STRBP: variants seen among roughly 807,000 people sequenced by gnomAD.
STRBP encodes the protein spermatid perinuclear RNA-binding protein.
STRBP carries 13 observed loss-of-function variants against 80.1 expected under a neutral mutation model. The observed-to-expected ratio is 0.16, with a 90% CI of 0.11 to 0.26. The LOEUF (loss-of-function observed/expected upper bound fraction) is 0.26. STRBP is among the 10% of genes least tolerant of loss of function. STRBP has a pLI of 1.00. For synonymous variants in STRBP, 284 were observed against 291.2 expected, an observed-to-expected ratio of 0.98 and a Z score of 0.25; for missense variants, 485 against 815.2, an observed-to-expected ratio of 0.59 and a Z score of 4.93.
intron 5 of STRBP, 123 bp downstream of exon 5, chr9:123,173,554 T>G: frequency 1.0e-6 from 1 of 964,536 alleles, no homozygotes; most frequent in Non-Finnish European, 1.5e-6. Context: ...AGAGTAGCAG[T>G]ACTCATTTTG....
intron 12 of STRBP, 25 bp from the exon 13 acceptor site, chr9:123,147,079 C>A (rs747387164): frequency 6.3e-7 from 1 of 1,582,304 alleles, no homozygotes; most frequent in South Asian, 1.1e-5. Context: ...GGAATGAGGT[C>A]AGAAATTAAC....
chr9:123,134,600 T>A (rs1162895690), intron 16 of STRBP, among the ~76,000 whole-genome samples: 1 of 152,214 alleles, frequency 6.6e-6, no homozygotes. Flanking sequence ...ATGAGTGAAC[T>A]TCATGTAGAC....
chr9:123,115,385 G>C lies in STRBP; in HGVS notation c.*84+544C>G. On this transcript the variant is annotated intron_variant and NMD_transcript_variant, in intron 3 of 3. Coordinates refer to the STRBP transcript ENST00000471564. The surrounding 1 kb of genome is among the most constrained non-coding windows in gnomAD (Gnocchi z 5.0). Reference sequence around the variant, plus strand: ...CCTGCCAGCGCCCAGCCCAGGGCTGGCAAGGAGGATCCCTAGCAGGGAGGG... The same window carrying C: ...CCTGCCAGCGCCCAGCCCAGGGCTGCCAAGGAGGATCCCTAGCAGGGAGGG... 2.1e-6 allele frequency: 1 copy of C among 471,120 alleles called. No homozygotes were observed. The highest frequency in any genetic ancestry group is 1.5e-5 in the South Asian group (1 of 64,570). The allele number at this position is 471,120 out of a possible 1,614,324, so 29.2% of individuals were successfully genotyped here. A position where few individuals can be genotyped will look rare whatever the true frequency, so the allele number is the denominator to read the frequency against.
chr9:123,237,771 T>C (rs2040600346), intron 1 of STRBP, among the ~76,000 whole-genome samples: 1 of 152,184 alleles, frequency 6.6e-6, no homozygotes, highest in Admixed American at 6.5e-5. Flanking sequence ...GCAAACCCCT[T>C]ACAGCGGGAG....
rs979501400 is a variant in STRBP, at chr9:123,170,023, T to C, written c.414A>G (p.Gln138=). Residue 138 remains glutamine (Q), a synonymous_variant, in exon 6 of 19, where the codon CAA becomes CAG. Coordinates refer to ENST00000348403, the MANE Select transcript of STRBP (RefSeq NM_018387.5). ...QIQKLTEEKY[Q]VEQCVNEASI... ...ATGCCTCATTTACACATTGTTCCAC[T>C]TGATATTTCTCTTCTGTGAGTTTCT... 3.1e-6 allele frequency: 5 copies of C among 1,608,678 alleles called. No homozygotes were observed. In the African/African-American group the frequency reaches 6.7e-5, roughly 22 times the overall value.
chr9:123,157,170 G>A (rs970914668), intron 11 of STRBP, among the ~76,000 whole-genome samples: 2 of 152,120 alleles, frequency 1.3e-5, no homozygotes, highest in Non-Finnish European at 2.9e-5. Context: ...CTGAAACTCT[G>A]AATTCAACAG....
At chr9:123,267,367 TCTC>T (rs1238022945) in intron 1 of STRBP, among the ~76,000 whole-genome samples, 1 of 151,636 alleles carries the variant, frequency 6.6e-6, no homozygotes, top group Non-Finnish European at 1.5e-5. Flanking sequence ...CCATCACCCT[TCTC>T]CTACTGTCCC....
downstream of STRBP, among the ~76,000 whole-genome samples, chr9:123,120,219 T>C (rs535800694): frequency 2.6e-4 from 40 of 152,032 alleles, no homozygotes; most frequent in Middle Eastern, 3.4e-3. Flanking sequence ...CCCATCTCCT[T>C]TCCAAGACTC....
chr9:123,148,217 G>T (rs975236320), intron 11 of STRBP, among the ~76,000 whole-genome samples: 2 of 152,186 alleles, frequency 1.3e-5, no homozygotes, highest in African/African-American at 4.8e-5. Flanking sequence ...GAACCTGGAA[G>T]GTGATTAGGT....
At chr9:123,245,458 C>T (rs563203246) in intron 1 of STRBP, among the ~76,000 whole-genome samples, 10 of 152,328 alleles carry the variant, frequency 6.6e-5, no homozygotes, top group African/African-American at 2.4e-4. Context: ...GGCACGATCT[C>T]GGCTCACTGC....
chr9:123,227,862 T>C (rs1312747942), intron 2 of STRBP, among the ~76,000 whole-genome samples: 2 of 152,122 alleles, frequency 1.3e-5, no homozygotes, highest in Admixed American at 6.6e-5. Flanking sequence ...CCCGGCCTGA[T>C]CTGACATATT....
At chr9:123,183,213 G>A (rs2038560537) in intron 3 of STRBP, among the ~76,000 whole-genome samples, 1 of 151,904 alleles carries the variant, frequency 6.6e-6, no homozygotes, top group African/African-American at 2.4e-5. Flanking sequence ...TGAGGTGGGT[G>A]GATCACCTGA....
chr9:123,179,503 CG>C (rs1036895034), intron 3 of STRBP, among the ~76,000 whole-genome samples: 1 of 152,088 alleles, frequency 6.6e-6, no homozygotes, highest in Non-Finnish European at 1.5e-5. Flanking sequence ...TGGCCAGGCA[CG>C]GGGGCACATG....
At chr9:123,239,362 G>A (rs1391695966) in intron 1 of STRBP, among the ~76,000 whole-genome samples, 3 of 151,774 alleles carry the variant, frequency 2.0e-5, no homozygotes, top group East Asian at 1.9e-4. Context: ...GTGACAGAGC[G>A]AGACTCTGTC....
chr9:123,158,178 T>C, intron 10 of STRBP, 55 bp from the exon 11 acceptor site: 1 of 1,523,906 alleles, frequency 6.6e-7, no homozygotes, highest in Non-Finnish European at 9.1e-7. Context: ...CATAAAGCCC[T>C]TAGAACATCT....
chr9:123,238,144 T>C (rs1222502233), intron 1 of STRBP, among the ~76,000 whole-genome samples: 5 of 152,248 alleles, frequency 3.3e-5, no homozygotes, highest in Admixed American at 1.3e-4. Flanking sequence ...CAGTAAACGT[T>C]AGCATTTCTT....
intron 5 of STRBP, among the ~76,000 whole-genome samples, chr9:123,170,300 T>C (rs2037953505): frequency 6.6e-6 from 1 of 152,198 alleles, no homozygotes; most frequent in Non-Finnish European, 1.5e-5. Flanking sequence ...TGAAACAATA[T>C]TTAAAACCAT....
intron 2 of STRBP, among the ~76,000 whole-genome samples, chr9:123,208,060 A>G (rs2039582955): frequency 6.6e-6 from 1 of 152,112 alleles, no homozygotes; most frequent in Admixed American, 6.5e-5. Context: ...AATGTAAACT[A>G]AATATTGATA....
At chr9:123,198,524 T>G (rs1425369073) in intron 2 of STRBP, among the ~76,000 whole-genome samples, 1 of 152,208 alleles carries the variant, frequency 6.6e-6, no homozygotes, top group Non-Finnish European at 1.5e-5. Context: ...GGACGCGTAG[T>G]TTGAAAATAC....
Sources: gnomAD v4.1 joint callset for allele counts (sites outside exome capture counted in the v4.1 genomes callset) on GRCh38, gnomAD v4.1.1 for gene constraint, Gnocchi (gnomAD v3.1) non-coding constraint, MANE v1.5 for transcripts, NCBI Gene and HGNC (gene_info 2026-07-23, HGNC 2026-07-21) for gene names.